The following C6orf163 variants were observed in gnomAD, a reference collection of about 807,000 sequenced individuals.
The protein encoded by C6orf163 is uncharacterized protein C6orf163.
C6orf163 carries 22 observed loss-of-function variants against 28.4 expected under a neutral mutation model. The observed-to-expected ratio is 0.78, with a 90% CI of 0.55 to 1.11. C6orf163 has a LOEUF of 1.11. Ranked by LOEUF, C6orf163 falls within the 50% of genes least tolerant of loss-of-function variation. The pLI, the probability that C6orf163 is intolerant of heterozygous loss-of-function variation, is 0.00. For missense variants in C6orf163, 342 were observed against 389.1 expected (o/e 0.88, Z 1.02); for synonymous variants, 110 against 123.6 (o/e 0.89, Z 0.73).
chr6:87,364,154 G>T (rs539242001), intron 4 of C6orf163, among the ~76,000 whole-genome samples: 1 of 152,100 alleles, frequency 6.6e-6, no homozygotes, highest in Non-Finnish European at 1.5e-5. Flanking sequence ...GTGTAGTCGT[G>T]CACACCTGTA....
chr6:87,361,210 A>G (rs1255503706), intron 4 of C6orf163, among the ~76,000 whole-genome samples: 1 of 152,142 alleles, frequency 6.6e-6, no homozygotes, highest in East Asian at 1.9e-4. Context: ...GCTTGAGCCC[A>G]GGAGGCAGAG....
intron 1 of C6orf163, chr6:87,347,910 C>T: frequency 1.0e-6 from 1 of 974,762 alleles, no homozygotes; most frequent in Non-Finnish European, 1.2e-6. Context: ...AATCCTAGCA[C>T]TTTGGGAGGC....
At chr6:87,349,138 G>A (rs1777374695) in intron 2 of C6orf163, among the ~76,000 whole-genome samples, 1 of 152,136 alleles carries the variant, frequency 6.6e-6, no homozygotes, top group African/African-American at 2.4e-5. Context: ...TAATATGCCT[G>A]GCACACAGTA....
chr6:87,362,054 T>C (rs117582767), intron 4 of C6orf163, among the ~76,000 whole-genome samples: 5,606 of 152,294 alleles, frequency 0.037, 163 homozygotes, highest in Non-Finnish European at 0.053. Flanking sequence ...TGCCCACTCA[T>C]GAGCTTGAAG....
chr6:87,351,644 G>A (rs1006949125), intron 3 of C6orf163, among the ~76,000 whole-genome samples: 4 of 152,212 alleles, frequency 2.6e-5, no homozygotes, highest in African/African-American at 9.7e-5. Context: ...AGGCAGGCCT[G>A]CTCTTCAGCT....
chr6:87,354,760 C>CA lies in C6orf163; in HGVS notation c.352-1541_352-1540insA, dbSNP rs1306922627. Among the ~76,000 whole-genome samples, 8 of 152,302 alleles carry CA rather than the reference C, an allele frequency of 5.3e-5. No homozygotes were observed. In the East Asian group the frequency reaches 1.5e-3, roughly 29 times the overall value. ...AGTAGCCAAAGTGAGAAGTTGAGAA[C>CA]TTTTTCTCATGAAAAAGCTGAAAGG... is the stretch of plus-strand genomic sequence containing the variant. On this transcript the variant is annotated intron_variant, in intron 3 of 4. Coordinates refer to ENST00000388923, the MANE Select transcript of C6orf163 (RefSeq NM_001010868.3).
At chr6:87,359,443 T>C (rs1330086120) in intron 4 of C6orf163, among the ~76,000 whole-genome samples, 1 of 152,226 alleles carries the variant, frequency 6.6e-6, no homozygotes, top group African/African-American at 2.4e-5. Context: ...CTGAAATGCC[T>C]GCAGTCTCCT....
intron 3 of C6orf163, among the ~76,000 whole-genome samples, chr6:87,352,938 T>C (rs1052096509): frequency 6.6e-6 from 1 of 152,174 alleles, no homozygotes; most frequent in African/African-American, 2.4e-5. Context: ...TGAATCTATT[T>C]CTTACAATAT....
chr6:87,347,638 A>G, intron 1 of C6orf163: 6 of 985,338 alleles, frequency 6.1e-6, no homozygotes, highest in Non-Finnish European at 7.2e-6. Context: ...ATTGCTAGTG[A>G]CAGAAACATA....
chr6:87,354,414 A>G (rs971500527), intron 3 of C6orf163, among the ~76,000 whole-genome samples: 1 of 152,354 alleles, frequency 6.6e-6, no homozygotes, highest in South Asian at 2.1e-4. Flanking sequence ...TAAATGCCAC[A>G]TGAAGTTTTT....
chr6:87,363,424 C>T (rs1012681782), intron 4 of C6orf163, among the ~76,000 whole-genome samples: 3 of 151,380 alleles, frequency 2.0e-5, no homozygotes, highest in African/African-American at 7.3e-5. Context: ...TATACATGTG[C>T]CATGCTGGTG....
intron 2 of C6orf163, among the ~76,000 whole-genome samples, chr6:87,349,893 A>T (rs914547559): frequency 6.6e-6 from 1 of 152,300 alleles, no homozygotes; most frequent in Admixed American, 6.5e-5. Flanking sequence ...CTACAATTTG[A>T]ATGTAAGTTG....
At chr6:87,350,244 G>C (rs745331666) in intron 2 of C6orf163, 150 bp from the exon 3 acceptor site, 10 of 609,438 alleles carry the variant, frequency 1.6e-5, no homozygotes, top group Non-Finnish European at 2.6e-5. Context: ...GGAGGTTTGA[G>C]ATGGGAATGG....
intron 3 of C6orf163, among the ~76,000 whole-genome samples, chr6:87,355,836 T>C (rs1777492836): frequency 6.6e-6 from 1 of 152,118 alleles, no homozygotes; most frequent in Non-Finnish European, 1.5e-5. Flanking sequence ...TGTGGCTCTG[T>C]TTTCCACAGG....
chr6:87,345,916 C>CAAAA (rs3044136), intron 1 of C6orf163, among the ~76,000 whole-genome samples: 5 of 44,646 alleles, frequency 1.1e-4, no homozygotes, highest in African/African-American at 1.6e-4. Context: ...GACTCTGCCT[C>CAAAA]AAAAAAAAAA....
rs1271106596 is a variant in C6orf163 at position 87,356,365 on chromosome 6, A to G, written c.416A>G (p.His139Arg). 1.3e-6 allele frequency: 2 copies of G among 1,551,750 alleles called. No homozygotes were observed. Among genetic ancestry groups the G allele is most frequent in the Non-Finnish European group, 1.7e-6 (2 of 1,147,008 alleles). ...ATGGATGACGAAATGAAGAGAGAGC[A>G]CTTGGCTGCAGAACAGCGCATGGTC... The part of the protein sequence containing the change: ...QNMDDEMKRE[H>R]LAAEQRMVHR... Residue 139 changes from histidine to arginine, a missense_variant, in exon 4 of 5, where the codon CAC becomes CGC. Transcript: ENST00000388923.
At chr6:87,348,162 AAG>A (rs751434315) in intron 1 of C6orf163, 67 of 980,426 alleles carry the variant, frequency 6.8e-5, no homozygotes, top group Non-Finnish European at 7.6e-5. Flanking sequence ...CTCAAAAAAA[AAG>A]AGAAATCCCA....
intron 4 of C6orf163, 72 bp from the exon 5 acceptor site, chr6:87,364,889 G>T (rs922417397): frequency 2.6e-6 from 3 of 1,167,828 alleles, no homozygotes; most frequent in Non-Finnish European, 3.6e-6. Flanking sequence ...ATTCATCTGC[G>T]TTTAAAGATG....
intron 2 of C6orf163, 75 bp downstream of exon 2, chr6:87,348,981 G>A: frequency 6.6e-7 from 1 of 1,510,586 alleles, no homozygotes; most frequent in African/African-American, 1.4e-5. Flanking sequence ...TGAAACAATT[G>A]TATAGTGTAG....
Sources: allele counts gnomAD v4.1 joint callset (sites outside exome capture counted in the v4.1 genomes callset), GRCh38; gene constraint gnomAD v4.1.1; transcripts MANE v1.5; gene names NCBI Gene and HGNC (gene_info 2026-07-23, HGNC 2026-07-21).